The following CPQ variants were observed in gnomAD, a reference collection of about 807,000 sequenced individuals.
CPQ encodes the protein carboxypeptidase Q.
In CPQ, 37 loss-of-function variants were observed where a neutral mutation model predicts 45.7. The ratio of observed to expected loss-of-function variants is 0.81; its 90% CI spans 0.62 to 1.07. The LOEUF (loss-of-function observed/expected upper bound fraction) is 1.07, where lower values mean the gene tolerates loss of function less well. CPQ is among the 50% of genes least tolerant of loss of function. The probability of loss-of-function intolerance (pLI) is 0.00; values close to 1 mark genes in which losing one functional copy is unlikely to be tolerated. For synonymous variants in CPQ, 186 were observed against 205.8 expected (o/e 0.90, Z 0.82); for missense variants, 537 against 572.9 (o/e 0.94, Z 0.64).
chr8:96,937,744 G>A (rs534005386), intron 4 of CPQ, among the ~76,000 whole-genome samples: 6 of 152,254 alleles, frequency 3.9e-5, no homozygotes, highest in South Asian at 4.1e-4. Context: ...TCTGTCGAGC[G>A]ACTCTAGAGG....
At chr8:96,892,711 G>A (rs1395567127) in intron 4 of CPQ, among the ~76,000 whole-genome samples, 1 of 152,046 alleles carries the variant, frequency 6.6e-6, no homozygotes, top group African/African-American at 2.4e-5. Context: ...CATGCCTCTG[G>A]GCTCATAAAG....
chr8:96,775,958 C>T (rs1344308724), intron 1 of CPQ, among the ~76,000 whole-genome samples: 1 of 152,138 alleles, frequency 6.6e-6, no homozygotes, highest in Non-Finnish European at 1.5e-5. Flanking sequence ...GGTTGGTTAG[C>T]AAGGAAAAGG....
intron 1 of CPQ, among the ~76,000 whole-genome samples, chr8:96,749,904 G>A (rs1810236576): frequency 6.6e-6 from 1 of 151,852 alleles, no homozygotes; most frequent in Non-Finnish European, 1.5e-5. Context: ...CAGGATTTTT[G>A]TATAAAGAAA....
Position 97,045,482 on chromosome 8 carries a change from G to A in CPQ, c.1053+15988G>A, listed in dbSNP as rs571276169. ...CGCCCTCCTTCAGCTCGCGCACGAC[G>A]CACTGCACCCACTGTCCTGCGCCCA... On this transcript the variant is annotated intron_variant, in intron 6 of 7. Coordinates refer to ENST00000220763, the MANE Select transcript of CPQ (RefSeq NM_016134.4). Among the ~76,000 whole-genome samples, 175 of 152,294 alleles carry A rather than the reference G, an allele frequency of 1.1e-3. 1 individual carries two copies. Among genetic ancestry groups the A allele is most frequent in the Admixed American group, 0.011 (164 of 15,304 alleles).
chr8:96,989,848 G>A (rs1809058313), intron 5 of CPQ, among the ~76,000 whole-genome samples: 1 of 152,130 alleles, frequency 6.6e-6, no homozygotes, highest in Non-Finnish European at 1.5e-5. Context: ...TTGCCTAGTG[G>A]AACAATATGA....
chr8:97,045,192 T>C (rs951423666), intron 6 of CPQ, among the ~76,000 whole-genome samples: 2 of 152,196 alleles, frequency 1.3e-5, no homozygotes, highest in African/African-American at 2.4e-5. Flanking sequence ...TGGGCAATGG[T>C]GGGCGCCCCT....
chr8:96,802,720 A>G (rs1235197222), intron 2 of CPQ, among the ~76,000 whole-genome samples: 1 of 152,140 alleles, frequency 6.6e-6, no homozygotes, highest in African/African-American at 2.4e-5. Context: ...TCAAAGCTTG[A>G]TTGACTAAGT....
chr8:96,904,514 A>G (rs1365670253), intron 4 of CPQ, among the ~76,000 whole-genome samples: 3 of 152,138 alleles, frequency 2.0e-5, no homozygotes, highest in Admixed American at 2.0e-4. Context: ...TGTGACTTTG[A>G]TCTGTCACCT....
intron 4 of CPQ, among the ~76,000 whole-genome samples, chr8:96,889,013 T>C (rs1297253381): frequency 6.6e-6 from 1 of 152,204 alleles, no homozygotes; most frequent in Non-Finnish European, 1.5e-5. Context: ...CTATTTTGCC[T>C]TTCTGGATGT....
intron 6 of CPQ, among the ~76,000 whole-genome samples, chr8:97,058,487 A>G (rs887793293): frequency 1.3e-5 from 2 of 152,184 alleles, no homozygotes; most frequent in Non-Finnish European, 2.9e-5. Context: ...TCACAGTGTT[A>G]AGGGAAAATG....
chr8:96,739,281 G>A (rs201679977), intron 1 of CPQ, among the ~76,000 whole-genome samples: 3 of 148,902 alleles, frequency 2.0e-5, no homozygotes, highest in East Asian at 2.0e-4. Flanking sequence ...GTCTGTTCAT[G>A]TCCTTTGCCC....
intron 3 of CPQ, among the ~76,000 whole-genome samples, chr8:96,851,534 G>A (rs1004575906): frequency 1.1e-4 from 16 of 152,264 alleles, no homozygotes; most frequent in South Asian, 2.1e-4. Context: ...GGGGAGGAAC[G>A]CTGTGTCCTC....
chr8:97,103,611 G>C (rs1000756728), intron 7 of CPQ, among the ~76,000 whole-genome samples: 1 of 152,168 alleles, frequency 6.6e-6, no homozygotes, highest in Non-Finnish European at 1.5e-5. Context: ...TTACATGATT[G>C]CATTGGGTGC....
intron 4 of CPQ, among the ~76,000 whole-genome samples, chr8:96,918,790 C>T (rs923996966): frequency 6.6e-6 from 1 of 152,094 alleles, no homozygotes; most frequent in Non-Finnish European, 1.5e-5. Flanking sequence ...GAGACTGATA[C>T]TACTATCTCC....
chr8:96,864,294 TC>T (rs1416065577), intron 3 of CPQ, among the ~76,000 whole-genome samples: 2 of 152,052 alleles, frequency 1.3e-5, no homozygotes, highest in East Asian at 3.9e-4. Context: ...GGCCACATTC[TC>T]CCAGTTGGAA....
chr8:96,907,666 G>A (rs531661566), intron 4 of CPQ, among the ~76,000 whole-genome samples: 24 of 152,096 alleles, frequency 1.6e-4, no homozygotes, highest in Admixed American at 1.3e-3. Context: ...TTCCTTTGAT[G>A]TGTTGTTCCT....
chr8:97,114,129 T>G (rs926835432), intron 7 of CPQ, among the ~76,000 whole-genome samples: 1 of 152,204 alleles, frequency 6.6e-6, no homozygotes, highest in Non-Finnish European at 1.5e-5. Flanking sequence ...GATTTAATTG[T>G]CCTTTGAAGA....
At chr8:96,724,120 T>C (rs1458987494) in intron 1 of CPQ, among the ~76,000 whole-genome samples, 1 of 152,018 alleles carries the variant, frequency 6.6e-6, no homozygotes, top group Non-Finnish European at 1.5e-5. Flanking sequence ...ATAGTTTTAT[T>C]GCATCTGTAT....
chr8:97,005,212 G>C (rs890404798), intron 5 of CPQ, among the ~76,000 whole-genome samples: 9 of 151,774 alleles, frequency 5.9e-5, no homozygotes, highest in African/African-American at 2.2e-4. Context: ...CTCACAAGTA[G>C]CTGGGACTAC....
Sources: gnomAD v4.1 joint callset for allele counts (sites outside exome capture counted in the v4.1 genomes callset) on GRCh38, gnomAD v4.1.1 for gene constraint, MANE v1.5 for transcripts, NCBI Gene and HGNC (gene_info 2026-07-23, HGNC 2026-07-21) for gene names.